PRKG1: variants seen among roughly 807,000 people sequenced by gnomAD.
PRKG1 encodes cGMP-dependent protein kinase 1.
PRKG1 carries 35 observed loss-of-function variants against 88.1 expected under a neutral mutation model. The observed-to-expected ratio is 0.40, with a 90% CI of 0.30 to 0.53. The LOEUF (loss-of-function observed/expected upper bound fraction) is 0.53, where lower values mean the gene tolerates loss of function less well. Ranked by LOEUF, PRKG1 falls within the 20% of genes least tolerant of loss-of-function variation. The pLI is 0.59. For missense variants in PRKG1, 540 were observed against 839.8 expected (o/e 0.64, Z 4.41); for synonymous variants, 303 against 292.5 (o/e 1.04, Z -0.37).
At chr10:51,873,142 T>C (rs1361098763) in intron 4 of PRKG1, among the ~76,000 whole-genome samples, 1 of 152,174 alleles carries the variant, frequency 6.6e-6, no homozygotes, top group Non-Finnish European at 1.5e-5. Context: ...AGTCCTTCTT[T>C]CTGTCTTATT....
At chr10:51,632,344 A>C (rs1839548240) in intron 3 of PRKG1, among the ~76,000 whole-genome samples, 1 of 152,202 alleles carries the variant, frequency 6.6e-6, no homozygotes, top group African/African-American at 2.4e-5. Context: ...CTGTCATTCA[A>C]CTGTCTGCTG....
At position 51,518,122 on chromosome 10, in the gene PRKG1, C is replaced by T. The variant is rs191194276; in HGVS notation, c.592+50286C>T. ...AAGCAATTCTCCTGTCTCAGCCTCC[C>T]GAGTAGCTGGGATTACAGGTGTGCA... On this transcript the variant is annotated intron_variant, in intron 3 of 17. Coordinates refer to ENST00000373980, the MANE Select transcript of PRKG1 (RefSeq NM_006258.4). Among the ~76,000 whole-genome samples the T allele has an allele frequency of 3.8e-3, 576 of 152,212 alleles. 2 individuals carry two copies. Among genetic ancestry groups the T allele is most frequent in the Non-Finnish European group, 6.6e-3 (449 of 68,016 alleles).
intron 5 of PRKG1, among the ~76,000 whole-genome samples, chr10:51,948,426 A>C (rs1476906029): frequency 1.3e-5 from 2 of 152,180 alleles, no homozygotes; most frequent in Admixed American, 6.5e-5. Context: ...AACATTTAAC[A>C]AAGAATAGGA....
chr10:51,614,048 C>CT (rs1195695171), intron 3 of PRKG1, among the ~76,000 whole-genome samples: 1 of 151,644 alleles, frequency 6.6e-6, no homozygotes, highest in Non-Finnish European at 1.5e-5. Context: ...TTTGTTGTTG[C>CT]TTTTTTTGTC....
intron 2 of PRKG1, among the ~76,000 whole-genome samples, chr10:51,262,237 T>G (rs1326054190): frequency 6.6e-6 from 1 of 152,162 alleles, no homozygotes; most frequent in African/African-American, 2.4e-5. Flanking sequence ...TTATTATGAT[T>G]AATGTGAAAT....
At chr10:52,221,745 A>T (rs2132825705) in intron 9 of PRKG1, among the ~76,000 whole-genome samples, 1 of 152,360 alleles carries the variant, frequency 6.6e-6, no homozygotes, top group South Asian at 2.1e-4. Context: ...AGACTTAGAA[A>T]TCAACTGCAT....
chr10:51,070,188 G>T (rs1843807565), upstream of PRKG1, among the ~76,000 whole-genome samples: 1 of 152,034 alleles, frequency 6.6e-6, no homozygotes, highest in Non-Finnish European at 1.5e-5. Context: ...GCCAGTCTTT[G>T]CCATTGATTA....
At chr10:51,329,437 C>T (rs912168486) in intron 2 of PRKG1, among the ~76,000 whole-genome samples, 3 of 152,132 alleles carry the variant, frequency 2.0e-5, no homozygotes, top group Admixed American at 1.3e-4. Flanking sequence ...TCTGTTTTGT[C>T]ATACAAAAGA....
intron 1 of PRKG1, among the ~76,000 whole-genome samples, chr10:51,079,235 G>C (rs1006173601): frequency 2.6e-5 from 4 of 152,174 alleles, no homozygotes; most frequent in Non-Finnish European, 5.9e-5. Context: ...GAGTGAACAA[G>C]GGGTTAACAA....
intron 8 of PRKG1, among the ~76,000 whole-genome samples, chr10:52,156,781 C>T (rs1838117937): frequency 6.6e-6 from 1 of 151,706 alleles, no homozygotes; most frequent in Admixed American, 6.6e-5. Flanking sequence ...CCCTCTGAAA[C>T]CTTGGGCTTA....
chr10:51,365,632 A>G (rs1192617109), intron 2 of PRKG1, among the ~76,000 whole-genome samples: 1 of 151,938 alleles, frequency 6.6e-6, no homozygotes, highest in Non-Finnish European at 1.5e-5. Context: ...AGGATCACTG[A>G]GGAGCTTTTG....
intron 1 of PRKG1, among the ~76,000 whole-genome samples, chr10:51,102,705 A>G (rs1844714729): frequency 6.6e-6 from 1 of 152,182 alleles, no homozygotes; most frequent in Non-Finnish European, 1.5e-5. Flanking sequence ...AGTCTGTTGC[A>G]AGGACCATAG....
At chr10:51,997,188 T>C (rs1844468842) in intron 5 of PRKG1, among the ~76,000 whole-genome samples, 1 of 151,934 alleles carries the variant, frequency 6.6e-6, no homozygotes, top group South Asian at 2.1e-4. Flanking sequence ...ATAAGAGAAA[T>C]AAAGCTGGGC....
chr10:51,030,724 G>T (rs1843271549), intron 1 of PRKG1, among the ~76,000 whole-genome samples: 2 of 152,040 alleles, frequency 1.3e-5, no homozygotes, highest in Non-Finnish European at 2.9e-5. Context: ...GCCAGAGCGG[G>T]TTGTTTAAAG....
intron 2 of PRKG1, among the ~76,000 whole-genome samples, chr10:51,410,678 T>C (rs908154959): frequency 6.6e-6 from 1 of 152,070 alleles, no homozygotes; most frequent in Non-Finnish European, 1.5e-5. Context: ...CAAACCCTCA[T>C]TGCAGATAGT....
At chr10:52,074,479 T>C (rs1408449937) in intron 7 of PRKG1, among the ~76,000 whole-genome samples, 1 of 152,168 alleles carries the variant, frequency 6.6e-6, no homozygotes, top group Non-Finnish European at 1.5e-5. Context: ...CTACAACATG[T>C]CATTCAGACA....
intron 2 of PRKG1, among the ~76,000 whole-genome samples, chr10:51,162,524 G>T (rs1846390182): frequency 6.6e-6 from 1 of 152,140 alleles, no homozygotes; most frequent in Non-Finnish European, 1.5e-5. Flanking sequence ...ATCAATCTGA[G>T]AATTCACACT....
chr10:51,742,986 A>G (rs1837472647), intron 3 of PRKG1, among the ~76,000 whole-genome samples: 2 of 152,252 alleles, frequency 1.3e-5, no homozygotes, highest in East Asian at 1.9e-4. Flanking sequence ...ACCATGGCAC[A>G]TGTATACCTA....
chr10:51,801,021 C>T (rs1429438247), intron 3 of PRKG1, among the ~76,000 whole-genome samples: 1 of 152,112 alleles, frequency 6.6e-6, no homozygotes, highest in Non-Finnish European at 1.5e-5. Context: ...CTTTAATCAT[C>T]TCTTCTCAGC....
Sources: gnomAD v4.1 joint callset for allele counts (sites outside exome capture counted in the v4.1 genomes callset) on GRCh38, gnomAD v4.1.1 for gene constraint, MANE v1.5 for transcripts, NCBI Gene and HGNC (gene_info 2026-07-23, HGNC 2026-07-21) for gene names.